CHD7: variants seen among roughly 807,000 people sequenced by gnomAD.
CHD7 encodes ATP-dependent chromatin remodeler CHD7.
A neutral mutation model predicts 307.3 loss-of-function variants in CHD7; 24 were observed. The ratio of observed to expected loss-of-function variants is 0.08; its 90% CI spans 0.06 to 0.11. The LOEUF (loss-of-function observed/expected upper bound fraction) is 0.11, where lower values mean the gene tolerates loss of function less well. Ranked by LOEUF, CHD7 falls within the 10% of genes least tolerant of loss-of-function variation. The pLI is 1.00. For missense variants in CHD7, 3,106 were observed against 3,727.1 expected (o/e 0.83, Z 4.34); for synonymous variants, 1,363 against 1,349.9 (o/e 1.01, Z -0.21).
chr8:60,685,191 A>G (rs989287411), intron 1 of CHD7, among the ~76,000 whole-genome samples: 1 of 152,208 alleles, frequency 6.6e-6, no homozygotes, highest in African/African-American at 2.4e-5. Flanking sequence ...TATCCTTTGC[A>G]TTGCTAGTGG....
At chr8:60,835,982 A>G in intron 15 of CHD7, 91 bp from the exon 16 acceptor site, 6 of 895,666 alleles carry the variant, frequency 6.7e-6, no homozygotes, top group South Asian at 1.6e-5. Context: ...TCTGGTTCCT[A>G]CAGTTTGCAA....
Position 60,865,225 on chromosome 8 carries a change from G to C in CHD7, c.8286G>C (p.Gln2762His), listed in dbSNP as rs758898311. The C allele has an allele frequency of 6.2e-7, 1 of 1,609,820 alleles. No individual in the cohort carries two copies. Among genetic ancestry groups the C allele is most frequent in the South Asian group, 1.1e-5 (1 of 90,132 alleles). The change falls in exon 38 of 38, where the codon CAG becomes CAC. Residue 2762 changes from glutamine to histidine, a missense_variant. Gln to His is a conservative substitution (Grantham distance 24). Coordinates refer to ENST00000423902, the MANE Select transcript of CHD7 (RefSeq NM_017780.4). The surrounding 1 kb of genome is among the most constrained non-coding windows in gnomAD (Gnocchi z 4.3). ...GMDLTSLQNL[Q>H]NLQSLQLAGL... The stretch of plus-strand genomic sequence containing the variant: ...ACCTGACGAGCCTTCAGAATCTCCA[G>C]AATCTCCAGTCGCTCCAGCTGGCAG...
In CHD7 at chr8:60,719,103, T is replaced by C. The variant is rs1439444256; in HGVS notation, c.-174-22156T>C. On this transcript the variant is annotated intron_variant, in intron 1 of 37. Coordinates refer to ENST00000423902, the MANE Select transcript of CHD7 (RefSeq NM_017780.4). ...TTAGCGACACATTTCTCAGACTGTGTCCTCATCATTAGGTGACACATGACT... is the reference window on the plus strand; with the variant it reads ...TTAGCGACACATTTCTCAGACTGTGCCCTCATCATTAGGTGACACATGACT... Among the ~76,000 whole-genome samples the C allele has an allele frequency of 2.6e-5, 4 of 152,354 alleles. No homozygotes were observed. In the East Asian group the frequency reaches 7.7e-4, roughly 29 times the overall value.
Position 60,842,001 on chromosome 8 carries a change from G to T in CHD7, c.4799G>T (p.Gly1600Val), listed in dbSNP as rs767869231. Residue 1600 changes from glycine to valine, a missense_variant, in exon 21 of 38, where the codon GGC becomes GTC. Gly to Val is a moderately radical substitution (Grantham distance 109, BLOSUM62 -3). Coordinates refer to ENST00000423902, the MANE Select transcript of CHD7 (RefSeq NM_017780.4). ...CGGCGTCCCCAGGATAAGTCACAGG[G>T]CTATGCAAGGAGTGAATGTTTCAGG... ...KPRRPQDKSQGYARSECFRVE... is the reference protein window; with the variant it reads ...KPRRPQDKSQVYARSECFRVE... The T allele has an allele frequency of 1.2e-6, 2 of 1,613,994 alleles. No homozygotes were observed. Among genetic ancestry groups the T allele is most frequent in the East Asian group, 4.5e-5 (2 of 44,886 alleles).
At chr8:60,706,926 C>T (rs1027642801) in intron 1 of CHD7, among the ~76,000 whole-genome samples, 7 of 152,198 alleles carry the variant, frequency 4.6e-5, no homozygotes, top group Admixed American at 6.5e-5. Context: ...CCCATTAACT[C>T]GTCATTTACA....
At position 60,683,226 on chromosome 8, in the gene CHD7, A is replaced by T. The variant is rs2680300; in HGVS notation, c.-175+4144A>T. 9.2e-3 allele frequency among the ~76,000 whole-genome samples: 1,397 copies of T among 152,320 alleles called. 14 individuals are homozygous for T. The highest frequency in any genetic ancestry group is 0.02 in the Middle Eastern group (6 of 294). Reference sequence around the variant, plus strand: ...TATAAAACTTTATTATTTAGTCTTTAAAAAAATTGTTGACATTCAAAGGTG... The same window carrying T: ...TATAAAACTTTATTATTTAGTCTTTTAAAAAATTGTTGACATTCAAAGGTG... On this transcript the variant is annotated intron_variant, in intron 1 of 37. Coordinates refer to ENST00000423902, the MANE Select transcript of CHD7 (RefSeq NM_017780.4).
chr8:60,734,698 A>G (rs1808616754), intron 1 of CHD7, among the ~76,000 whole-genome samples: 1 of 152,142 alleles, frequency 6.6e-6, no homozygotes, highest in African/African-American at 2.4e-5. Context: ...GATATACCTA[A>G]TGGGGGTGTT....
chr8:60,704,029 A>T (rs1806893733), intron 1 of CHD7, among the ~76,000 whole-genome samples: 1 of 151,910 alleles, frequency 6.6e-6, no homozygotes, highest in Admixed American at 6.6e-5. Flanking sequence ...GACTTATGCC[A>T]TCTTAGGGCT....
In CHD7 at chr8:60,851,070, A is replaced by T; in HGVS notation, c.5573A>T (p.Lys1858Ile). Residue 1858 changes from lysine to isoleucine, a missense_variant, in exon 27 of 38, where the codon AAA (lysine) becomes ATA (isoleucine). Lys to Ile is a moderately radical substitution (Grantham distance 102, BLOSUM62 -3). Around this residue, in one of 10 missense-constraint regions of CHD7, gnomAD observed 1,030 missense variants for 1,165.4 expected, o/e 0.88. Coordinates refer to ENST00000423902, the MANE Select transcript of CHD7 (RefSeq NM_017780.4). ...FDREDEDPEY[K>I]PTRTPFKDEI... ...AGAGAAGATGAAGACCCAGAATATA[A>T]ACCAACCAGAACACCGTTCAAAGAT... 2.5e-6 allele frequency: 4 copies of T among 1,574,720 alleles called. No homozygotes were observed. The highest frequency in any genetic ancestry group is 1.7e-6 in the Non-Finnish European group (2 of 1,158,812).
At chr8:60,791,737 G>A (rs1015300215) in intron 3 of CHD7, among the ~76,000 whole-genome samples, 3 of 152,174 alleles carry the variant, frequency 2.0e-5, no homozygotes, top group African/African-American at 4.8e-5. Flanking sequence ...TAGCCTGGGC[G>A]GGAAATGATA....
intron 1 of CHD7, among the ~76,000 whole-genome samples, chr8:60,686,928 T>C (rs1805930207): frequency 6.6e-6 from 1 of 152,192 alleles, no homozygotes; most frequent in African/African-American, 2.4e-5. Flanking sequence ...ACCACAAACA[T>C]TTTATTTGTT....
chr8:60,832,206 G>A (rs571882546), intron 15 of CHD7, among the ~76,000 whole-genome samples: 1 of 151,982 alleles, frequency 6.6e-6, no homozygotes, highest in Non-Finnish European at 1.5e-5. Context: ...TGTATTTTTT[G>A]TAGAGACGGG....
chr8:60,862,281 A>G lies in CHD7; in HGVS notation c.7916A>G (p.Asn2639Ser). 1 of 1,610,192 alleles carries G rather than the reference A, an allele frequency of 6.2e-7. No homozygotes were observed. The highest frequency in any genetic ancestry group is 8.5e-7 in the Non-Finnish European group (1 of 1,178,650). Residue 2639 changes from asparagine (N) to serine (S), a missense_variant, in exon 36 of 38, where the codon AAC (asparagine) becomes AGC (serine). By Grantham distance (46) the Asn-to-Ser change is conservative. This residue lies in a region of CHD7 where 59 missense variants were observed against 106.2 expected (regional missense o/e 0.56). Transcript: ENST00000423902. ...CGAAACCCTAATAAATTGGATATAA[A>G]CACTTTGACAGGAGAAGAAAGGGTG... ...RCRNPNKLDI[N>S]TLTGEERVPV...
Position 60,816,494 on chromosome 8 carries a change from T to C in CHD7, c.2606T>C (p.Leu869Pro), listed in dbSNP as rs1368260442. Residue 869 changes from leucine to proline, a missense_variant, in exon 8 of 38, where the codon CTT (leucine) becomes CCT (proline). By Grantham distance (98) the Leu-to-Pro change is moderately conservative (BLOSUM62 -3). This residue lies in a region of CHD7 where 188 missense variants were observed against 261.7 expected (regional missense o/e 0.72). Coordinates refer to ENST00000423902, the MANE Select transcript of CHD7 (RefSeq NM_017780.4). ...FKAKQGQNKFLSEIEDELFNP... is the reference protein window; with the variant it reads ...FKAKQGQNKFPSEIEDELFNP... The stretch of plus-strand genomic sequence containing the variant: ...GCAAAGCAGGGCCAGAACAAGTTCC[T>C]TTCAGAGGTACGACATACCTGCTTA... The C allele has an allele frequency of 6.3e-7, 1 of 1,584,502 alleles. No homozygotes were observed. Among genetic ancestry groups the C allele is most frequent in the Non-Finnish European group, 8.6e-7 (1 of 1,157,030 alleles).
chr8:60,856,523 G>A lies in CHD7; in HGVS notation c.7243G>A (p.Ala2415Thr). 6.2e-7 allele frequency: 1 copy of A among 1,613,992 alleles called. No homozygotes were observed. The highest frequency in any genetic ancestry group is 1.7e-5 in the Admixed American group (1 of 60,020). ...AATCGAAATTGAGGCCGAAAGAGCT[G>A]CCAAGAGGCGAAATCTCATGGAGAT... ...RKIEIEAERAAKRRNLMEMVA... is the reference protein window; with the variant it reads ...RKIEIEAERATKRRNLMEMVA... Residue 2415 changes from alanine (A) to threonine (T), a missense_variant, in exon 34 of 38, where the codon GCC becomes ACC. By Grantham distance (58) the Ala-to-Thr change is moderately conservative. Transcript: ENST00000423902.
chr8:60,757,384 T>C (rs1442063375), intron 2 of CHD7, among the ~76,000 whole-genome samples: 2 of 152,224 alleles, frequency 1.3e-5, no homozygotes, highest in Non-Finnish European at 2.9e-5. Context: ...GTCTTCAAAC[T>C]TTTTTGTCTC....
chr8:60,862,180 G>T lies in CHD7; in HGVS notation c.7831-16G>T. On this transcript the variant is annotated splice_polypyrimidine_tract_variant and intron_variant, in intron 35 of 37. Transcript: ENST00000423902. ...ACTAAATACCAATTTTACTAAATAT[G>T]TTTTTTCTTTTGCAGAAGAATGCAG... 6.3e-7 allele frequency: 1 copy of T among 1,590,654 alleles called. No individual in the cohort carries two copies.
intron 2 of CHD7, among the ~76,000 whole-genome samples, chr8:60,760,916 T>C (rs761215819): frequency 2.6e-5 from 4 of 152,190 alleles, no homozygotes; most frequent in Non-Finnish European, 5.9e-5. Context: ...GTTCAACCAT[T>C]GTGGAAGGTC....
intron 3 of CHD7, among the ~76,000 whole-genome samples, chr8:60,783,697 C>T (rs866828514): frequency 2.0e-5 from 3 of 152,136 alleles, no homozygotes; most frequent in African/African-American, 4.8e-5. Context: ...GGATGGAACA[C>T]GTCTGATGAG....
Sources: allele counts gnomAD v4.1 joint callset (sites outside exome capture counted in the v4.1 genomes callset), GRCh38; gene constraint gnomAD v4.1.1; regional missense constraint gnomAD v4.1.1; non-coding constraint Gnocchi (gnomAD v3.1); transcripts MANE v1.5; gene names NCBI Gene and HGNC (gene_info 2026-07-23, HGNC 2026-07-21).